CDK13: variants seen among roughly 807,000 people sequenced by gnomAD.
CDK13 encodes cyclin dependent kinase 13.
CDK13 carries 40 observed loss-of-function variants against 137.6 expected under a neutral mutation model. That is an observed-to-expected ratio of 0.29 (90% confidence interval 0.23 to 0.38). The LOEUF (loss-of-function observed/expected upper bound fraction) is 0.38. Among genes scored for constraint, CDK13 ranks in the 10% least tolerant of loss-of-function variants. The pLI, the probability that CDK13 is intolerant of heterozygous loss-of-function variation, is 1.00. For missense variants in CDK13, 1,704 were observed against 1,951.8 expected (o/e 0.87, Z 2.39); for synonymous variants, 869 against 760.1 (o/e 1.14, Z -2.36).
chr7:40,039,285 G>C (rs1785553228), intron 5 of CDK13, among the ~76,000 whole-genome samples: 1 of 151,572 alleles, frequency 6.6e-6, no homozygotes, highest in Non-Finnish European at 1.5e-5. Context: ...GAGAGAGAGA[G>C]TGTCTTGCTT....
intron 5 of CDK13, among the ~76,000 whole-genome samples, chr7:40,036,007 T>C (rs1347065888): frequency 6.6e-6 from 1 of 151,534 alleles, no homozygotes; most frequent in Non-Finnish European, 1.5e-5. Context: ...TATAAAAAAT[T>C]ACAGAAATTA....
At position 39,950,833 on chromosome 7, in the gene CDK13, C is replaced by T. The variant is rs766897511; in HGVS notation, c.192C>T (p.Pro64=). Residue 64 remains proline, a synonymous_variant, in exon 1 of 14, where the codon CCC becomes CCT. Transcript: ENST00000181839. ...CGCCTCTGCTCTTCCTGGCTGCTCC[C>T]GGCACGGCCGCCGCCGCAGCCGCCG... ...PPPPLLFLAA[P]GTAAAAAAAA... The T allele has an allele frequency of 4.3e-6, 6 of 1,389,282 alleles. No individual in the cohort carries two copies. Among genetic ancestry groups the T allele is most frequent in the Non-Finnish European group, 5.5e-6 (6 of 1,081,968 alleles). The allele number at this position is 1,389,282 out of a possible 1,614,324, so 86.1% of individuals were successfully genotyped here. A position where few individuals can be genotyped will look rare whatever the true frequency, so the allele number is the denominator to read the frequency against.
At chr7:40,078,340 AAG>A (rs1162472268) in intron 10 of CDK13, 1 of 385,154 alleles carries the variant, frequency 2.6e-6, no homozygotes, top group African/African-American at 2.1e-5. Context: ...GCTTACGTGA[AAG>A]AACTTTAATA....
At chr7:39,968,303 C>T (rs921858756) in intron 1 of CDK13, among the ~76,000 whole-genome samples, 1 of 152,148 alleles carries the variant, frequency 6.6e-6, no homozygotes, top group African/African-American at 2.4e-5. Context: ...GAAACCTTTG[C>T]CCAAACTAAT....
At chr7:39,962,792 A>G (rs1783779323) in intron 1 of CDK13, among the ~76,000 whole-genome samples, 1 of 152,182 alleles carries the variant, frequency 6.6e-6, no homozygotes. Flanking sequence ...TCTTGAATTA[A>G]TTTTTGTATA....
At chr7:40,014,755 C>T (rs1784970087) in intron 5 of CDK13, among the ~76,000 whole-genome samples, 1 of 152,046 alleles carries the variant, frequency 6.6e-6, no homozygotes, top group East Asian at 1.9e-4. Context: ...TGTGTCCAGC[C>T]CATTTATATT....
At chr7:39,952,692 T>A (rs926922927) in intron 1 of CDK13, 5 of 152,184 alleles carry the variant, frequency 3.3e-5, no homozygotes, top group Admixed American at 1.3e-4. Context: ...AAGTAGACTT[T>A]TTCTTAGATA....
At chr7:40,086,035 CATCTAT>C (rs1277267926) in intron 11 of CDK13, among the ~76,000 whole-genome samples, 1 of 152,026 alleles carries the variant, frequency 6.6e-6, no homozygotes, top group African/African-American at 2.4e-5. Flanking sequence ...TTTTTGTTGC[CATCTAT>C]ATGTACTCAT....
intron 2 of CDK13, among the ~76,000 whole-genome samples, chr7:39,994,399 T>C (rs1453704742): frequency 2.0e-5 from 3 of 152,150 alleles, no homozygotes; most frequent in Non-Finnish European, 4.4e-5. Context: ...ATATAAAAAT[T>C]CTTACATATA....
chr7:40,088,005 C>T, intron 11 of CDK13, 121 bp from the exon 12 acceptor site: 1 of 713,020 alleles, frequency 1.4e-6, no homozygotes. Context: ...TTTTACAGAG[C>T]CATTCTATGA....
chr7:40,013,475 A>G (rs1385765293), intron 5 of CDK13, among the ~76,000 whole-genome samples: 1 of 152,238 alleles, frequency 6.6e-6, no homozygotes, highest in African/African-American at 2.4e-5. Context: ...TGGGTAAACC[A>G]AGAAAACGTG....
chr7:39,989,503 G>A (rs1784413482), intron 2 of CDK13, among the ~76,000 whole-genome samples: 1 of 152,072 alleles, frequency 6.6e-6, no homozygotes. Flanking sequence ...ACAAACAAAA[G>A]TGAAATAATA....
chr7:40,000,672 G>A (rs1236839133), intron 4 of CDK13, among the ~76,000 whole-genome samples: 1 of 152,228 alleles, frequency 6.6e-6, no homozygotes, highest in African/African-American at 2.4e-5. Context: ...TTATAATGAT[G>A]TGTTATCAAA....
At chr7:40,081,087 G>A (rs1003629703) in intron 11 of CDK13, among the ~76,000 whole-genome samples, 2 of 152,074 alleles carry the variant, frequency 1.3e-5, no homozygotes, top group Admixed American at 1.3e-4. Flanking sequence ...CTCTAGGGAA[G>A]AGATCTTTTG....
intron 9 of CDK13, chr7:40,070,027 C>A (rs1221871791): frequency 7.0e-6 from 1 of 142,638 alleles, no homozygotes; most frequent in Non-Finnish European, 1.5e-5. Flanking sequence ...TCAAGACCAT[C>A]CGGGCTAACA....
chr7:40,071,083 C>T lies in CDK13; in HGVS notation c.2781-6922C>T, dbSNP rs181612955. The stretch of plus-strand genomic sequence containing the variant: ...TAAAGGAATTAGATTTTGGTTGTAC[C>T]AGAAGATAGGAAAAGAGGGAAGCTT... On this transcript the variant is annotated intron_variant, in intron 9 of 13. Transcript: ENST00000181839. 3.3e-5 allele frequency: 5 copies of T among 152,062 alleles called. No homozygotes were observed. The East Asian group carries it at 9.7e-4, about 29-fold the overall frequency. 9.4% of individuals were successfully genotyped at this position (152,062 alleles called of 1,614,324 possible). A position where few individuals can be genotyped will look rare whatever the true frequency, so the allele number is the denominator to read the frequency against.
At chr7:40,016,997 C>T (rs1004247106) in intron 5 of CDK13, among the ~76,000 whole-genome samples, 1 of 151,980 alleles carries the variant, frequency 6.6e-6, no homozygotes, top group South Asian at 2.1e-4. Flanking sequence ...ACCAGAGTCA[C>T]GTTTTTTCAG....
At chr7:39,984,872 G>GATACTC (rs2116251585) in intron 1 of CDK13, 1 of 152,226 alleles carries the variant, frequency 6.6e-6, no homozygotes, top group East Asian at 1.9e-4. Flanking sequence ...CTATCAGGAG[G>GATACTC]CTGAGGCAGG....
At chr7:40,033,214 C>T (rs1456415895) in intron 5 of CDK13, among the ~76,000 whole-genome samples, 1 of 152,102 alleles carries the variant, frequency 6.6e-6, no homozygotes, top group Non-Finnish European at 1.5e-5. Flanking sequence ...CCTCAGCTTC[C>T]CAAAGTGCTG....
Sources: gnomAD v4.1 joint callset for allele counts (sites outside exome capture counted in the v4.1 genomes callset) on GRCh38, gnomAD v4.1.1 for gene constraint, MANE v1.5 for transcripts, NCBI Gene and HGNC (gene_info 2026-07-23, HGNC 2026-07-21) for gene names.